Variants in BCAS4 observed in about 807,000 individuals in gnomAD.
BCAS4 encodes breast carcinoma-amplified sequence 4.
Under a neutral mutation model 15.7 loss-of-function variants are expected in BCAS4, and 9 were observed. The ratio of observed to expected loss-of-function variants is 0.57; its 90% confidence interval spans 0.34 to 1.00. The LOEUF is 1.00. Among genes scored for constraint, BCAS4 ranks in the 50% least tolerant of loss-of-function variants. The pLI is 0.02. For synonymous variants in BCAS4, 101 were observed against 99.5 expected, an observed-to-expected ratio of 1.02 and a Z score of -0.09; for missense variants, 225 against 239.1, an observed-to-expected ratio of 0.94 and a Z score of 0.39.
intron 4 of BCAS4, among the ~76,000 whole-genome samples, chr20:50,853,680 T>G: frequency 7.9e-6 from 1 of 126,328 alleles, no homozygotes; most frequent in Non-Finnish European, 1.6e-5. Context: ...TTTTGTGTAC[T>G]GGGGGGTGTT....
At chr20:50,842,676 C>T (rs2088499903) in intron 4 of BCAS4, among the ~76,000 whole-genome samples, 1 of 152,200 alleles carries the variant, frequency 6.6e-6, no homozygotes, top group Non-Finnish European at 1.5e-5. Context: ...CCTTGGCCTC[C>T]CAAAGTGCTG....
intron 2 of BCAS4, among the ~76,000 whole-genome samples, chr20:50,820,969 T>C (rs1436327451): frequency 6.6e-6 from 1 of 152,222 alleles, no homozygotes; most frequent in Non-Finnish European, 1.5e-5. Flanking sequence ...GAGTTCCGGC[T>C]TCTCTCAGAA....
chr20:50,872,845 C>T (rs1979725823), intron 4 of BCAS4, among the ~76,000 whole-genome samples: 1 of 152,204 alleles, frequency 6.6e-6, no homozygotes, highest in Admixed American at 6.5e-5. Flanking sequence ...GGATGTGGAG[C>T]GGCACCAGCC....
intron 4 of BCAS4, among the ~76,000 whole-genome samples, chr20:50,873,037 C>T (rs945823711): frequency 6.6e-6 from 1 of 152,342 alleles, no homozygotes; most frequent in Middle Eastern, 3.4e-3. Context: ...TGTCTCCCTG[C>T]GACCCCCTTG....
At chr20:50,807,568 T>C (rs1369173344) in intron 1 of BCAS4, among the ~76,000 whole-genome samples, 2 of 152,224 alleles carry the variant, frequency 1.3e-5, no homozygotes, top group Admixed American at 6.5e-5. Flanking sequence ...AATAAGTTCT[T>C]TAGTGAGTGG....
chr20:50,830,386 T>A lies in BCAS4; in HGVS notation c.264+6T>A. The A allele has an allele frequency of 6.2e-7, 1 of 1,608,956 alleles. No homozygotes were observed. Among genetic ancestry groups the A allele is most frequent in the Non-Finnish European group, 8.5e-7 (1 of 1,177,768 alleles). On this transcript the variant is annotated splice_donor_region_variant and intron_variant, in intron 3 of 4. Transcript: ENST00000371608. The stretch of plus-strand genomic sequence containing the variant: ...CCAAAGTGGACCGGCTAGAGGTACG[T>A]CTAGGCAAACGAAGGTTCTGAGGCT...
At chr20:50,796,895 A>G (rs1434033301) in intron 1 of BCAS4, among the ~76,000 whole-genome samples, 2 of 151,784 alleles carry the variant, frequency 1.3e-5, no homozygotes, top group Non-Finnish European at 2.9e-5. Flanking sequence ...CAGTGACACA[A>G]TCATAGCTCA....
At chr20:50,835,378 G>A (rs2088395696) in intron 3 of BCAS4, among the ~76,000 whole-genome samples, 1 of 151,566 alleles carries the variant, frequency 6.6e-6, no homozygotes, top group Non-Finnish European at 1.5e-5. Flanking sequence ...CCAAGTAGCT[G>A]GGACTATAGG....
intron 3 of BCAS4, among the ~76,000 whole-genome samples, chr20:50,835,695 G>A (rs754277961): frequency 3.4e-4 from 52 of 152,186 alleles, no homozygotes; most frequent in Admixed American, 8.5e-4. Flanking sequence ...ACCGTGGGGC[G>A]TGAATCTCCC....
At chr20:50,825,103 A>G (rs11905232) in intron 2 of BCAS4, among the ~76,000 whole-genome samples, 15,672 of 152,190 alleles carry the variant, frequency 0.1, 822 homozygotes, top group Admixed American at 0.12. Context: ...CTCCCATAAA[A>G]TAAGGTTGAA....
intron 4 of BCAS4, chr20:50,875,861 C>T (rs1473394419): frequency 3.4e-5 from 15 of 436,940 alleles, no homozygotes; most frequent in African/African-American, 2.2e-4. Context: ...AGAGCTGTCA[C>T]GTGTCGGTAT....
chr20:50,849,749 G>GT (rs1256791537), intron 4 of BCAS4, among the ~76,000 whole-genome samples: 2 of 152,160 alleles, frequency 1.3e-5, no homozygotes, highest in East Asian at 1.9e-4. Flanking sequence ...CATTTGGAGG[G>GT]TTTTTTGTTG....
chr20:50,807,847 C>T (rs1377550541), intron 1 of BCAS4, among the ~76,000 whole-genome samples: 1 of 149,952 alleles, frequency 6.7e-6, no homozygotes, highest in Non-Finnish European at 1.5e-5. Context: ...TATTTCATTT[C>T]TTTTTATGGC....
chr20:50,802,011 C>T (rs1054930281), intron 1 of BCAS4, among the ~76,000 whole-genome samples: 15 of 151,876 alleles, frequency 9.9e-5, no homozygotes, highest in Non-Finnish European at 1.9e-4. Context: ...GAATTCTGTT[C>T]TAGGGTCATG....
At chr20:50,868,585 G>A (rs1371790678) in intron 4 of BCAS4, among the ~76,000 whole-genome samples, 6 of 152,172 alleles carry the variant, frequency 3.9e-5, no homozygotes, top group Admixed American at 6.5e-5. Context: ...ACCATGACCA[G>A]CTAATGTTTT....
chr20:50,822,802 T>C (rs1457278810), intron 2 of BCAS4, among the ~76,000 whole-genome samples: 2 of 151,740 alleles, frequency 1.3e-5, no homozygotes, highest in Admixed American at 1.3e-4. Flanking sequence ...AATTTTTGTA[T>C]TTTTAGTAGA....
At chr20:50,873,982 G>T (rs941609238) in intron 4 of BCAS4, among the ~76,000 whole-genome samples, 2 of 152,070 alleles carry the variant, frequency 1.3e-5, no homozygotes, top group African/African-American at 4.8e-5. Context: ...CAACAGGCTC[G>T]GTGTGATGTG....
intron 4 of BCAS4, among the ~76,000 whole-genome samples, chr20:50,853,356 G>T (rs922783004): frequency 4.0e-5 from 6 of 151,880 alleles, no homozygotes; most frequent in African/African-American, 1.5e-4. Context: ...TGTTAGCCAG[G>T]CTGGTCTCGA....
At chr20:50,882,124 A>G (rs1980128144), downstream of BCAS4, 1 of 151,412 alleles carries the variant, frequency 6.6e-6, no homozygotes. Flanking sequence ...TTGAGGCTGC[A>G]GTAAGCCGTG....
Sources: allele counts gnomAD v4.1 joint callset (sites outside exome capture counted in the v4.1 genomes callset), GRCh38; gene constraint gnomAD v4.1.1; transcripts MANE v1.5; gene names NCBI Gene and HGNC (gene_info 2026-07-23, HGNC 2026-07-21).